The following CRACDL variants were observed in gnomAD, a reference collection of about 807,000 sequenced individuals.
The protein encoded by CRACDL is CRACD-like protein.
Under a neutral mutation model 70.6 loss-of-function variants are expected in CRACDL, and 26 were observed. That is an observed-to-expected ratio of 0.37 (90% CI 0.27 to 0.51). CRACDL has a LOEUF of 0.51. Among genes scored for constraint, CRACDL ranks in the 20% least tolerant of loss-of-function variants. CRACDL has a pLI of 0.94. For missense variants in CRACDL, 1,283 were observed against 1,376.9 expected (o/e 0.93, Z 1.08); for synonymous variants, 618 against 615.2 (o/e 1.00, Z -0.07).
At chr2:98,803,003 T>C (rs1170768773) in intron 7 of CRACDL, among the ~76,000 whole-genome samples, 2 of 149,914 alleles carry the variant, frequency 1.3e-5, no homozygotes, top group East Asian at 3.9e-4. Context: ...CCTGGCTTTT[T>C]TTTTTTTTTT....
Position 98,886,329 on chromosome 2 carries a change from A to G in CRACDL, c.-10-39519T>C, listed in dbSNP as rs138966380. Among the ~76,000 whole-genome samples, 93 of 152,374 alleles carry G rather than the reference A, an allele frequency of 6.1e-4. 1 individual carries two copies. The East Asian group carries it at 0.013, about 22-fold the overall frequency. On this transcript the variant is annotated intron_variant, in intron 1 of 9. Coordinates refer to ENST00000397899, the MANE Select transcript of CRACDL (RefSeq NM_207362.3). ...ACTGAGGTGCTTGCTGAAGACAATT[A>G]CCGGCAAATATTTAACTTCACAGCT...
chr2:98,860,238 A>G (rs563635857), intron 1 of CRACDL, among the ~76,000 whole-genome samples: 3 of 152,366 alleles, frequency 2.0e-5, no homozygotes, highest in African/African-American at 7.2e-5. Flanking sequence ...GATTTACAGA[A>G]TCAATGCAAC....
chr2:98,914,020 G>T (rs143954324), intron 1 of CRACDL, among the ~76,000 whole-genome samples: 1 of 152,224 alleles, frequency 6.6e-6, no homozygotes, highest in Non-Finnish European at 1.5e-5. Flanking sequence ...AATGGGCATT[G>T]TATGTGCCCT....
intron 1 of CRACDL, among the ~76,000 whole-genome samples, chr2:98,896,698 G>A (rs1177586541): frequency 6.6e-6 from 1 of 152,172 alleles, no homozygotes; most frequent in African/African-American, 2.4e-5. Context: ...TGGGGTCTGA[G>A]CCTGTTGTCA....
intron 1 of CRACDL, among the ~76,000 whole-genome samples, chr2:98,860,142 AT>A (rs1378254050): frequency 6.6e-6 from 1 of 152,218 alleles, no homozygotes; most frequent in Non-Finnish European, 1.5e-5. Flanking sequence ...TTGAAAAAAA[AT>A]TAAAGAAGAC....
Position 98,817,582 on chromosome 2 carries a change from C to G in CRACDL, c.2416+4275G>C, listed in dbSNP as rs1704835663. Reference sequence around the variant, plus strand: ...TGGCCAGAAAATGGCTGTCTACACTCCTCCAGCATCCAGCTACCACCTGCC... The same window carrying G: ...TGGCCAGAAAATGGCTGTCTACACTGCTCCAGCATCCAGCTACCACCTGCC... On this transcript the variant is annotated intron_variant, in intron 7 of 9. Transcript: ENST00000397899. Among the ~76,000 whole-genome samples the G allele has an allele frequency of 2.6e-5, 4 of 152,306 alleles. No homozygotes were observed. In the South Asian group the frequency reaches 8.3e-4, roughly 32 times the overall value.
chr2:98,819,278 G>C (rs183937194), intron 7 of CRACDL, among the ~76,000 whole-genome samples: 1 of 152,176 alleles, frequency 6.6e-6, no homozygotes, highest in African/African-American at 2.4e-5. Flanking sequence ...ATCTGACTAC[G>C]AGCTTGATAT....
intron 1 of CRACDL, among the ~76,000 whole-genome samples, chr2:98,852,073 T>C (rs1488672143): frequency 6.6e-6 from 1 of 152,108 alleles, no homozygotes; most frequent in Non-Finnish European, 1.5e-5. Flanking sequence ...AGCCATAATC[T>C]TATGGGCTTG....
intron 7 of CRACDL, among the ~76,000 whole-genome samples, chr2:98,803,085 C>T (rs1265555216): frequency 3.3e-5 from 5 of 151,470 alleles, no homozygotes; most frequent in South Asian, 4.2e-4. Flanking sequence ...CTGCAAGCTC[C>T]GCCTCCTGGG....
chr2:98,899,582 G>T (rs1306589323), intron 1 of CRACDL, among the ~76,000 whole-genome samples: 1 of 152,216 alleles, frequency 6.6e-6, no homozygotes, highest in East Asian at 1.9e-4. Context: ...AGGGGGCACT[G>T]GTGGCAAAGA....
At chr2:98,928,649 C>T (rs1708993619) in intron 1 of CRACDL, among the ~76,000 whole-genome samples, 1 of 152,144 alleles carries the variant, frequency 6.6e-6, no homozygotes. Context: ...GAATGTGGTA[C>T]CAGAGAAGCC....
intron 6 of CRACDL, among the ~76,000 whole-genome samples, chr2:98,826,762 A>T (rs1705318213): frequency 6.6e-6 from 1 of 152,206 alleles, no homozygotes; most frequent in Non-Finnish European, 1.5e-5. Flanking sequence ...CGGATGGATG[A>T]ATGAATGGAG....
rs548988640 is a variant in CRACDL at position 98,891,376 on chromosome 2, C to CAAAAAAAAAAAAAAAAAAAA, written c.-11+44542_-11+44561dup. 1.3e-3 allele frequency among the ~76,000 whole-genome samples: 51 copies of CAAAAAAAAAAAAAAAAAAAA among 37,900 alleles called. 5 individuals carry two copies. Among genetic ancestry groups the CAAAAAAAAAAAAAAAAAAAA allele is most frequent in the African/African-American group, 2.6e-3 (24 of 9,234 alleles). The allele number at this position is 37,900 out of a possible 152,430, so 24.9% of individuals were successfully genotyped here. ...TGGGTGACAGAGGGAGACTCCGTCT[C>CAAAAAAAAAAAAAAAAAAAA]AAAAAAAAAAAAAAAAAAAAAAAAA... is the stretch of plus-strand genomic sequence containing the variant. On this transcript the variant is annotated intron_variant, in intron 1 of 9. Transcript: ENST00000397899.
chr2:98,915,427 A>T (rs1405907891), intron 1 of CRACDL, among the ~76,000 whole-genome samples: 1 of 152,174 alleles, frequency 6.6e-6, no homozygotes, highest in Non-Finnish European at 1.5e-5. Context: ...GGAGCAGGCC[A>T]TGGGACCATA....
intron 1 of CRACDL, among the ~76,000 whole-genome samples, chr2:98,882,798 A>T (rs1707691532): frequency 6.6e-6 from 1 of 152,198 alleles, no homozygotes; most frequent in Non-Finnish European, 1.5e-5. Context: ...GATCTGTAGA[A>T]CAAAGGGGCT....
At chr2:98,846,709 AG>A (rs1297819205) in intron 2 of CRACDL, 21 bp downstream of exon 2, 3 of 1,597,680 alleles carry the variant, frequency 1.9e-6, no homozygotes, top group Non-Finnish European at 2.6e-6. Flanking sequence ...CCCTCCCCAG[AG>A]CAGGGGAAGC....
intron 6 of CRACDL, 76 bp downstream of exon 6, chr2:98,826,899 G>A: frequency 2.8e-6 from 3 of 1,086,590 alleles, no homozygotes; most frequent in Non-Finnish European, 4.0e-6. Flanking sequence ...GGGGGAGTGA[G>A]GCAGGTTGGG....
intron 1 of CRACDL, among the ~76,000 whole-genome samples, chr2:98,892,036 C>T (rs1707993408): frequency 6.6e-6 from 1 of 152,216 alleles, no homozygotes; most frequent in African/African-American, 2.4e-5. Flanking sequence ...AAGGTAGACA[C>T]TACTCAATTG....
Position 98,823,091 on chromosome 2 carries a change from A to G in CRACDL, c.1182T>C (p.Ala394=). 1 of 1,577,318 alleles carries G rather than the reference A, an allele frequency of 6.3e-7. No individual in the cohort carries two copies. The highest frequency in any genetic ancestry group is 1.8e-5 in the Admixed American group (1 of 56,618). ...ATDKAEEVVC[A]PEDVASPFPT... is the part of the protein sequence containing the mutation. ...GAAACGGGCTCGCGACGTCTTCGGGAGCACAGACCACCTCCTCCGCCTTGT... is the reference window on the plus strand; with the variant it reads ...GAAACGGGCTCGCGACGTCTTCGGGGGCACAGACCACCTCCTCCGCCTTGT... The change falls in exon 7 of 10, where the codon GCT becomes GCC. Residue 394 remains alanine (A), a synonymous_variant. Coordinates refer to ENST00000397899, the MANE Select transcript of CRACDL (RefSeq NM_207362.3). This position sits in a 1 kb window ranked among gnomAD's most constrained non-coding sequence, Gnocchi z 4.0.
Sources: allele counts gnomAD v4.1 joint callset (sites outside exome capture counted in the v4.1 genomes callset), GRCh38; gene constraint gnomAD v4.1.1; non-coding constraint Gnocchi (gnomAD v3.1); transcripts MANE v1.5; gene names NCBI Gene and HGNC (gene_info 2026-07-23, HGNC 2026-07-21).